The following CTNNA2 variants were observed in gnomAD, a reference collection of about 807,000 sequenced individuals.
CTNNA2 encodes catenin alpha 2.
A neutral mutation model predicts 101.0 loss-of-function variants in CTNNA2; 42 were observed. The ratio of observed to expected loss-of-function variants is 0.42; its 90% CI spans 0.32 to 0.54. CTNNA2 has a LOEUF of 0.54. Ranked by LOEUF, CTNNA2 falls within the 20% of genes least tolerant of loss-of-function variation. CTNNA2 has a pLI of 0.14. For missense variants in CTNNA2, 871 were observed against 1,223.1 expected (o/e 0.71, Z 4.29); for synonymous variants, 450 against 456.4 (o/e 0.99, Z 0.18).
chr2:79,299,025 T>C (rs1676046242), intron 2 of CTNNA2, among the ~76,000 whole-genome samples: 1 of 152,228 alleles, frequency 6.6e-6, no homozygotes, highest in South Asian at 2.1e-4. Context: ...CATCATTAAG[T>C]ATTCTCCTTC....
At chr2:80,341,786 C>CA (rs1368251262) in intron 7 of CTNNA2, among the ~76,000 whole-genome samples, 1 of 152,144 alleles carries the variant, frequency 6.6e-6, no homozygotes, top group Non-Finnish European at 1.5e-5. Flanking sequence ...GATAGGAAAA[C>CA]ACACATCCAC....
At chr2:80,106,967 G>A (rs1324092257) in intron 7 of CTNNA2, among the ~76,000 whole-genome samples, 3 of 152,136 alleles carry the variant, frequency 2.0e-5, no homozygotes, top group African/African-American at 4.8e-5. Context: ...GCTGTGCTGA[G>A]CATGACATTG....
At chr2:80,055,039 T>C (rs1697128756) in intron 7 of CTNNA2, among the ~76,000 whole-genome samples, 2 of 152,116 alleles carry the variant, frequency 1.3e-5, no homozygotes, top group African/African-American at 4.8e-5. Context: ...TTTGTTGTTA[T>C]TTTTCGAGAC....
intron 15 of CTNNA2, among the ~76,000 whole-genome samples, chr2:80,591,216 GAGA>G (rs1271714492): frequency 6.6e-6 from 1 of 152,074 alleles, no homozygotes; most frequent in African/African-American, 2.4e-5. Flanking sequence ...TTTTAAAAGT[GAGA>G]AGAAGGTGTC....
rs1484791135 is a variant in CTNNA2, at chr2:79,869,721, G to T, written c.466-95G>T. The T allele has an allele frequency of 4.0e-6, 6 of 1,492,648 alleles. No homozygotes were observed. The Admixed American group carries it at 8.8e-5, about 22-fold the overall frequency. The allele number at this position is 1,492,648 out of a possible 1,614,324, so 92.5% of individuals were successfully genotyped here. On this transcript the variant is annotated intron_variant, in intron 4 of 18. Coordinates refer to ENST00000402739, the MANE Select transcript of CTNNA2 (RefSeq NM_001282597.3). ...CATTTACATGTTAACACATACTAGTGTTTTAGAGTTTTTGGGTGCAAATTC... is the reference window on the plus strand; with the variant it reads ...CATTTACATGTTAACACATACTAGTTTTTTAGAGTTTTTGGGTGCAAATTC...
chr2:80,576,580 C>T (rs1414567730), intron 13 of CTNNA2, among the ~76,000 whole-genome samples: 6 of 151,818 alleles, frequency 4.0e-5, no homozygotes. Flanking sequence ...ATCATTGCTT[C>T]TAGGAGAAAT....
intron 7 of CTNNA2, among the ~76,000 whole-genome samples, chr2:80,383,381 C>T (rs1439608245): frequency 6.6e-6 from 1 of 152,172 alleles, no homozygotes; most frequent in Non-Finnish European, 1.5e-5. Flanking sequence ...ACAAGCATTT[C>T]CTGACCATGT....
intron 3 of CTNNA2, among the ~76,000 whole-genome samples, chr2:79,748,604 GT>G (rs947370503): frequency 5.3e-5 from 8 of 151,846 alleles, no homozygotes; most frequent in African/African-American, 1.9e-4. Context: ...ATATAGAACT[GT>G]TTTGTTTTTC....
intron 7 of CTNNA2, among the ~76,000 whole-genome samples, chr2:80,214,226 T>A (rs1486019953): frequency 6.6e-6 from 1 of 152,182 alleles, no homozygotes; most frequent in Non-Finnish European, 1.5e-5. Context: ...AAGGTTAATA[T>A]TGTTATGTGT....
intron 12 of CTNNA2, among the ~76,000 whole-genome samples, chr2:80,569,050 CTTTGGTTGACCTTGCATTT>C (rs1385435782): frequency 6.6e-6 from 1 of 152,228 alleles, no homozygotes; most frequent in Admixed American, 6.5e-5. Context: ...TCTCTGCTAC[CTTTGGTTGACCTTGCATTT>C]TGCCCTTTGG....
intron 7 of CTNNA2, among the ~76,000 whole-genome samples, chr2:80,301,570 C>T (rs1349598128): frequency 6.6e-6 from 1 of 152,216 alleles, no homozygotes; most frequent in Non-Finnish European, 1.5e-5. Context: ...TAAGGGTGCC[C>T]AGTCCTCAGT....
chr2:80,336,289 C>A (rs1005533659), intron 7 of CTNNA2, among the ~76,000 whole-genome samples: 12 of 152,036 alleles, frequency 7.9e-5, no homozygotes, highest in Non-Finnish European at 1.3e-4. Context: ...TTATAAGGAT[C>A]CTAATTCTAC....
At chr2:79,846,124 GC>G (rs1680215903) in intron 3 of CTNNA2, among the ~76,000 whole-genome samples, 1 of 152,084 alleles carries the variant, frequency 6.6e-6, no homozygotes, top group Non-Finnish European at 1.5e-5. Flanking sequence ...ACTTAATTGA[GC>G]TGTAATTTTA....
intron 7 of CTNNA2, among the ~76,000 whole-genome samples, chr2:80,200,248 T>C (rs1361998951): frequency 6.6e-6 from 1 of 152,208 alleles, no homozygotes; most frequent in African/African-American, 2.4e-5. Flanking sequence ...ACAGGCAGAC[T>C]CTGTTATTCC....
chr2:80,581,688 A>G lies in CTNNA2; in HGVS notation c.1894-18A>G, dbSNP rs763685546. 3.4e-6 allele frequency: 5 copies of G among 1,476,682 alleles called. No homozygotes were observed. Among genetic ancestry groups the G allele is most frequent in the East Asian group, 2.3e-5 (1 of 44,238 alleles). The allele number at this position is 1,476,682 out of a possible 1,614,324, so 91.5% of individuals were successfully genotyped here. A position where few individuals can be genotyped will look rare whatever the true frequency, so the allele number is the denominator to read the frequency against. Reference sequence around the variant, plus strand: ...ATTATCAATTTAAGTATGCTGACTTATATCTTTTTGTCTTTAGACCCCAGA... The same window carrying G: ...ATTATCAATTTAAGTATGCTGACTTGTATCTTTTTGTCTTTAGACCCCAGA... On this transcript the variant is annotated intron_variant, in intron 13 of 18. Coordinates refer to ENST00000402739, the MANE Select transcript of CTNNA2 (RefSeq NM_001282597.3).
chr2:80,022,720 T>C (rs1694655989), intron 7 of CTNNA2, among the ~76,000 whole-genome samples: 3 of 152,168 alleles, frequency 2.0e-5, no homozygotes, highest in Non-Finnish European at 4.4e-5. Flanking sequence ...CATGACAGGC[T>C]TTCTCAGAAA....
intron 1 of CTNNA2, among the ~76,000 whole-genome samples, chr2:79,186,849 G>T (rs772942577): frequency 2.6e-5 from 4 of 152,148 alleles, no homozygotes; most frequent in Admixed American, 1.3e-4. Context: ...TTTTCATTGC[G>T]CATGAAAGCA....
intron 4 of CTNNA2, among the ~76,000 whole-genome samples, chr2:79,440,537 G>T (rs1678766651): frequency 6.6e-6 from 1 of 152,092 alleles, no homozygotes; most frequent in Non-Finnish European, 1.5e-5. Flanking sequence ...TTTTCTGAAG[G>T]AAGACTGAGA....
At chr2:80,589,860 C>CTG (rs59206973) in intron 15 of CTNNA2, among the ~76,000 whole-genome samples, 5,426 of 140,480 alleles carry the variant, frequency 0.039, 112 homozygotes, top group Middle Eastern at 0.08. Context: ...ATATGTACCT[C>CTG]TGTGTGTGTG....
Sources: gnomAD v4.1 joint callset for allele counts (sites outside exome capture counted in the v4.1 genomes callset) on GRCh38, gnomAD v4.1.1 for gene constraint, MANE v1.5 for transcripts, NCBI Gene and HGNC (gene_info 2026-07-23, HGNC 2026-07-21) for gene names.